FAM107B: variants seen among roughly 807,000 people sequenced by gnomAD.
FAM107B encodes the protein family with sequence similarity 107 member B.
In FAM107B, 21 loss-of-function variants were observed where a neutral mutation model predicts 31.5. That is an observed-to-expected ratio of 0.67 (90% confidence interval 0.47 to 0.96). The LOEUF is 0.96. Among genes scored for constraint, FAM107B ranks in the 40% least tolerant of loss-of-function variants. The probability of loss-of-function intolerance (pLI) is 0.00; values close to 1 mark genes in which losing one functional copy is unlikely to be tolerated. For missense variants in FAM107B, 452 were observed against 377.1 expected (o/e 1.20, Z -1.64); for synonymous variants, 157 against 141.5 (o/e 1.11, Z -0.78).
At position 14,626,055 on chromosome 10, in the gene FAM107B, G is replaced by A. The variant is rs369365156; in HGVS notation, c.469+41579C>T. Among the ~76,000 whole-genome samples the A allele has an allele frequency of 2.0e-4, 31 of 152,120 alleles. No homozygotes were observed. In the East Asian group the frequency reaches 5.4e-3, roughly 27 times the overall value. On this transcript the variant is annotated intron_variant, in intron 2 of 4. Transcript: ENST00000181796. The stretch of plus-strand genomic sequence containing the variant: ...TTGGGATACTGGGTCCCCCCACCCC[G>A]GTACACTTGGGACTCTTTTAAGACC...
Position 14,767,022 on chromosome 10 carries a change from A to G in FAM107B, c.411+7231T>C, listed in dbSNP as rs113803388. The stretch of plus-strand genomic sequence containing the variant: ...CTGCAGAACAATATCCCTGATGTGT[A>G]TGTATATATATATATATATATATAT... On this transcript the variant is annotated intron_variant, in intron 1 of 4. Coordinates refer to ENST00000181796, the MANE Select transcript of FAM107B (RefSeq NM_031453.4). Among the ~76,000 whole-genome samples, 51 of 38,598 alleles carry G rather than the reference A, an allele frequency of 1.3e-3. 1 individual carries two copies. Among genetic ancestry groups the G allele is most frequent in the Middle Eastern group, 0.012 (1 of 82 alleles). The allele number at this position is 38,598 out of a possible 152,430, so 25.3% of individuals were successfully genotyped here. A position where few individuals can be genotyped will look rare whatever the true frequency, so the allele number is the denominator to read the frequency against.
At chr10:14,584,793 T>A (rs2014088) in intron 2 of FAM107B, among the ~76,000 whole-genome samples, 58,645 of 151,992 alleles carry the variant, frequency 0.39, 11,858 homozygotes, top group Admixed American at 0.51. Context: ...AACCCCCACC[T>A]TTTCTGCATG....
At chr10:14,671,791 A>G (rs1206623489) in intron 1 of FAM107B, among the ~76,000 whole-genome samples, 1 of 151,668 alleles carries the variant, frequency 6.6e-6, no homozygotes, top group Non-Finnish European at 1.5e-5. Context: ...GATATCAACT[A>G]AGCCCCAAAT....
chr10:14,678,126 G>A (rs1379566403), intron 1 of FAM107B, among the ~76,000 whole-genome samples: 2 of 152,194 alleles, frequency 1.3e-5, no homozygotes, highest in African/African-American at 4.8e-5. Flanking sequence ...CGGAGTCTGT[G>A]CTGACAAACC....
chr10:14,650,653 G>T (rs185670604), intron 2 of FAM107B, among the ~76,000 whole-genome samples: 1 of 152,232 alleles, frequency 6.6e-6, no homozygotes, highest in East Asian at 1.9e-4. Context: ...TGAGCATTCT[G>T]GTTTAGTTCC....
intron 1 of FAM107B, among the ~76,000 whole-genome samples, chr10:14,728,923 G>A (rs1856099026): frequency 1.3e-5 from 2 of 152,152 alleles, no homozygotes; most frequent in African/African-American, 4.8e-5. Context: ...GTAATGAATA[G>A]CAAGTAAAAT....
At chr10:14,734,595 T>C (rs565199930) in intron 1 of FAM107B, among the ~76,000 whole-genome samples, 2 of 152,000 alleles carry the variant, frequency 1.3e-5, no homozygotes, top group East Asian at 1.9e-4. Context: ...AGCCAAAAGA[T>C]TGGACACCTT....
intron 1 of FAM107B, among the ~76,000 whole-genome samples, chr10:14,685,338 G>A (rs1042338352): frequency 5.9e-5 from 9 of 151,420 alleles, no homozygotes; most frequent in South Asian, 4.2e-4. Flanking sequence ...TGGTAGAGAC[G>A]AGGCCTCACT....
intron 2 of FAM107B, among the ~76,000 whole-genome samples, chr10:14,620,073 G>A (rs1373505244): frequency 1.4e-5 from 2 of 141,030 alleles, no homozygotes; most frequent in East Asian, 2.1e-4. Flanking sequence ...AGGCTGGAGT[G>A]CAGTGGCACA....
Position 14,629,321 on chromosome 10 carries a change from A to G in FAM107B, c.469+38313T>C, listed in dbSNP as rs1325106695. Among the ~76,000 whole-genome samples the G allele has an allele frequency of 1.6e-4, 19 of 122,178 alleles. 2 individuals are homozygous for G. The Admixed American group carries it at 2.0e-3, about 13-fold the overall frequency. 80.2% of individuals were successfully genotyped at this position (122,178 alleles called of 152,430 possible). A position where few individuals can be genotyped will look rare whatever the true frequency, so the allele number is the denominator to read the frequency against. On this transcript the variant is annotated intron_variant, in intron 2 of 4. Coordinates refer to ENST00000181796, the MANE Select transcript of FAM107B (RefSeq NM_031453.4). ...TATAAATATATAATATATATAATAT[A>G]TAAATTATATAAATATATGTAATTT...
chr10:14,747,606 T>C (rs11259299), intron 1 of FAM107B, among the ~76,000 whole-genome samples: 21,473 of 152,136 alleles, frequency 0.14, 1,847 homozygotes, highest in East Asian at 0.3. Flanking sequence ...GCATCTGGGT[T>C]CCTCCCACAC....
At chr10:14,733,718 T>C (rs906497817) in intron 1 of FAM107B, among the ~76,000 whole-genome samples, 5 of 152,134 alleles carry the variant, frequency 3.3e-5, no homozygotes, top group African/African-American at 4.8e-5. Flanking sequence ...CAAGGAGAAA[T>C]TGGCAGCTCA....
intron 2 of FAM107B, among the ~76,000 whole-genome samples, chr10:14,658,350 G>T (rs1222152431): frequency 3.9e-5 from 6 of 152,200 alleles, no homozygotes; most frequent in Non-Finnish European, 7.3e-5. Context: ...GGAACAGAAA[G>T]AAAGTAAACT....
chr10:14,726,080 G>A (rs1048581100), intron 1 of FAM107B, among the ~76,000 whole-genome samples: 2 of 151,210 alleles, frequency 1.3e-5, no homozygotes, highest in Non-Finnish European at 2.9e-5. Flanking sequence ...TGCAACCTCC[G>A]CCTCCCGGGT....
At chr10:14,589,503 G>A (rs900416471) in intron 2 of FAM107B, among the ~76,000 whole-genome samples, 2 of 152,140 alleles carry the variant, frequency 1.3e-5, no homozygotes, top group Non-Finnish European at 2.9e-5. Flanking sequence ...TCCTTGAAAG[G>A]CAATGTTTCT....
chr10:14,582,012 T>C (rs1021144317), intron 2 of FAM107B, among the ~76,000 whole-genome samples: 1 of 152,232 alleles, frequency 6.6e-6, no homozygotes, highest in Non-Finnish European at 1.5e-5. Flanking sequence ...CTTGCCCAAG[T>C]TGACAGTTTC....
At chr10:14,762,387 G>A (rs762959247) in intron 1 of FAM107B, among the ~76,000 whole-genome samples, 1 of 152,190 alleles carries the variant, frequency 6.6e-6, no homozygotes, top group Non-Finnish European at 1.5e-5. Context: ...GGAGGCTAGC[G>A]GAACCTAAAC....
intron 1 of FAM107B, among the ~76,000 whole-genome samples, chr10:14,767,049 TATATATAG>T (rs1468823833): frequency 2.8e-4 from 10 of 36,062 alleles, no homozygotes; most frequent in African/African-American, 8.6e-4. Flanking sequence ...TATATATATA[TATATATAG>T]AGAGAGAGAG....
At chr10:14,676,747 G>A (rs1389928458) in intron 1 of FAM107B, among the ~76,000 whole-genome samples, 1 of 152,196 alleles carries the variant, frequency 6.6e-6, no homozygotes, top group Non-Finnish European at 1.5e-5. Flanking sequence ...ACAACCCTCT[G>A]TGCAAGTAAT....
Sources: allele counts gnomAD v4.1 joint callset (sites outside exome capture counted in the v4.1 genomes callset), GRCh38; gene constraint gnomAD v4.1.1; transcripts MANE v1.5; gene names NCBI Gene and HGNC (gene_info 2026-07-23, HGNC 2026-07-21).